SREBF2: variants seen among roughly 807,000 people sequenced by gnomAD.
SREBF2 encodes the protein sterol regulatory element binding transcription factor 2, also known as sterol regulatory element-binding protein 2.
Under a neutral mutation model 113.1 loss-of-function variants are expected in SREBF2, and 55 were observed. The ratio of observed to expected loss-of-function variants is 0.49; its 90% CI spans 0.39 to 0.61. The LOEUF (loss-of-function observed/expected upper bound fraction) is 0.61. SREBF2 is among the 20% of genes least tolerant of loss of function. The pLI is 0.00. For synonymous variants in SREBF2, 593 were observed against 605.7 expected (o/e 0.98, Z 0.31); for missense variants, 1,349 against 1,487.4 (o/e 0.91, Z 1.53).
chr22:41,861,249 C>T (rs113027895), intron 1 of SREBF2, among the ~76,000 whole-genome samples: 2 of 152,036 alleles, frequency 1.3e-5, no homozygotes, highest in South Asian at 2.1e-4. Flanking sequence ...TTTGGGAGGC[C>T]GAGGCAGGTG....
Position 41,880,956 on chromosome 22 carries a change from C to G in SREBF2, c.2002C>G (p.Leu668Val). ...EAKTSARDAA[L>V]AYHRLHQLHI... ...TAAGACCAGCGCCCGGGATGCGGCT[C>G]TGGCCTATCACCGGCTGCACCAGCT... The change falls in exon 10 of 19, where the codon CTG becomes GTG. Residue 668 changes from leucine (L) to valine (V), a missense_variant. Leu to Val is a conservative substitution (Grantham distance 32, BLOSUM62 1). Transcript: ENST00000361204. 6.2e-7 allele frequency: 1 copy of G among 1,610,992 alleles called. No individual in the cohort carries two copies. Among genetic ancestry groups the G allele is most frequent in the East Asian group, 2.2e-5 (1 of 44,890 alleles).
At chr22:41,898,514 G>A in intron 14 of SREBF2, 135 bp from the exon 15 acceptor site, 1 of 1,148,380 alleles carries the variant, frequency 8.7e-7, no homozygotes, top group Non-Finnish European at 1.3e-6. Flanking sequence ...GGGTGTGGGA[G>A]CCCAGAGGCT....
intron 11 of SREBF2, among the ~76,000 whole-genome samples, chr22:41,891,940 G>T (rs553734473): frequency 4.6e-5 from 7 of 152,344 alleles, no homozygotes; most frequent in Admixed American, 4.6e-4. Flanking sequence ...CTTGTCAGTG[G>T]GGTCCTGGAA....
In SREBF2 at chr22:41,841,949, C is replaced by G. The variant is rs117014147; in HGVS notation, c.88+8591C>G. ...TTGCAGTTTTTTCTTAACATAAGCACTGTTCTGAATACTTGTGAACAAGTC... is the reference window on the plus strand; with the variant it reads ...TTGCAGTTTTTTCTTAACATAAGCAGTGTTCTGAATACTTGTGAACAAGTC... On this transcript the variant is annotated intron_variant, in intron 1 of 18. Coordinates refer to ENST00000361204, the MANE Select transcript of SREBF2 (RefSeq NM_004599.4). Among the ~76,000 whole-genome samples, 569 of 152,300 alleles carry G rather than the reference C, an allele frequency of 3.7e-3. 2 individuals are homozygous for G. The highest frequency in any genetic ancestry group is 5.5e-3 in the Non-Finnish European group (374 of 68,028).
intron 13 of SREBF2, among the ~76,000 whole-genome samples, chr22:41,896,799 G>T (rs1307157260): frequency 1.3e-5 from 2 of 152,212 alleles, no homozygotes; most frequent in African/African-American, 2.4e-5. Flanking sequence ...AGGAGTGAGG[G>T]TAGGCTGTGG....
intron 14 of SREBF2, among the ~76,000 whole-genome samples, chr22:41,897,385 T>C (rs1293458630): frequency 6.6e-6 from 1 of 152,184 alleles, no homozygotes; most frequent in Non-Finnish European, 1.5e-5. Flanking sequence ...ATTGAATGTC[T>C]TCCTCAAGCC....
intron 1 of SREBF2, among the ~76,000 whole-genome samples, chr22:41,846,562 C>T (rs1205243814): frequency 6.6e-6 from 1 of 152,202 alleles, no homozygotes; most frequent in Non-Finnish European, 1.5e-5. Flanking sequence ...CCTTTCCTTG[C>T]CTCTGAAATA....
At chr22:41,899,978 C>G in intron 15 of SREBF2, 1 of 1,210,256 alleles carries the variant, frequency 8.3e-7, no homozygotes, top group African/African-American at 1.6e-5. Context: ...GGGGTGGTCC[C>G]TTAAAGAACG....
intron 16 of SREBF2, 136 bp downstream of exon 16, chr22:41,900,634 A>G: frequency 1.1e-6 from 1 of 915,810 alleles, no homozygotes; most frequent in South Asian, 1.7e-5. Flanking sequence ...CCCCCTTTCA[A>G]AAAAGTTACG....
At chr22:41,875,810 G>T in intron 7 of SREBF2, 86 bp downstream of exon 7, 1 of 1,475,846 alleles carries the variant, frequency 6.8e-7, no homozygotes. Context: ...TATGAGGCCA[G>T]GCCGCATGTT....
chr22:41,898,536 C>G (rs1237227866), intron 14 of SREBF2, 113 bp from the exon 15 acceptor site: 26 of 1,441,570 alleles, frequency 1.8e-5, no homozygotes, highest in Middle Eastern at 2.3e-4. Context: ...CTGGCCCGTT[C>G]CCAGCAGGCA....
chr22:41,839,345 C>T (rs1281443313), intron 1 of SREBF2, among the ~76,000 whole-genome samples: 2 of 152,038 alleles, frequency 1.3e-5, no homozygotes, highest in African/African-American at 4.8e-5. Flanking sequence ...AAGAGAGTCA[C>T]TGCTGAGTCA....
Position 41,884,951 on chromosome 22 carries a change from C to T in SREBF2, c.2148C>T (p.Ile716=), listed in dbSNP as rs756793996. 1 of 1,614,214 alleles carries T rather than the reference C, an allele frequency of 6.2e-7. No homozygotes were observed. Among genetic ancestry groups the T allele is most frequent in the South Asian group, 1.1e-5 (1 of 91,084 alleles). ...EKIPPSTLVE[I]HLTAAMGLKT... ...TCCCACCGAGCACACTGGTTGAGATCCATCTGACTGCTGCCATGGGGCTCA... is the reference window on the plus strand; with the variant it reads ...TCCCACCGAGCACACTGGTTGAGATTCATCTGACTGCTGCCATGGGGCTCA... The change falls in exon 11 of 19, where the codon ATC becomes ATT. Residue 716 remains isoleucine, a synonymous_variant. Coordinates refer to ENST00000361204, the MANE Select transcript of SREBF2 (RefSeq NM_004599.4).
chr22:41,877,244 G>T lies in SREBF2; in HGVS notation c.1402G>T (p.Asp468Tyr). The change falls in exon 8 of 19, where the codon GAC (aspartate) becomes TAC (tyrosine). Residue 468 changes from aspartate (D) to tyrosine (Y), a missense_variant. By Grantham distance (160) the Asp-to-Tyr change is radical (BLOSUM62 -3). This residue lies in a region of SREBF2 where 699 missense variants were observed against 843.3 expected (regional missense o/e 0.83). Transcript: ENST00000361204. ...TGTTTTGAAGGTCAAAGATGAGCCA[G>T]ACTCTCCTCCTGTGGCGCTGGGCAT... Reference protein sequence around the residue: ...LDDAKVKDEPDSPPVALGMVD... With the variant: ...LDDAKVKDEPYSPPVALGMVD... 2 of 1,614,204 alleles carry T rather than the reference G, an allele frequency of 1.2e-6. No homozygotes were observed. Among genetic ancestry groups the T allele is most frequent in the Non-Finnish European group, 1.7e-6 (2 of 1,180,042 alleles).
At chr22:41,894,697 G>T (rs1569408025) in intron 12 of SREBF2, 123 bp from the exon 13 acceptor site, 3 of 849,014 alleles carry the variant, frequency 3.5e-6, no homozygotes, top group African/African-American at 3.3e-5. Flanking sequence ...CTGGGCTTTG[G>T]TGGAGAAGGG....
chr22:41,844,929 C>T, intron 1 of SREBF2, among the ~76,000 whole-genome samples: 1 of 85,932 alleles, frequency 1.2e-5, no homozygotes, highest in Non-Finnish European at 2.1e-5. Flanking sequence ...GCTTGATTTC[C>T]ACCCCCACCC....
chr22:41,893,164 T>G lies in SREBF2; in HGVS notation c.2256T>G (p.Ser752Arg). Reference sequence around the variant, plus strand: ...AGAGCCTGTGTGGCCCCGAGCACAGTGCTGTTCCTGACTCCCTGCGCTGGC... The same window carrying G: ...AGAGCCTGTGTGGCCCCGAGCACAGGGCTGTTCCTGACTCCCTGCGCTGGC... ...RAQSLCGPEH[S>R]AVPDSLRWLC... is the part of the protein sequence containing the mutation. The change falls in exon 12 of 19, where the codon AGT becomes AGG. Residue 752 changes from serine (S) to arginine (R), a missense_variant. By Grantham distance (110) the Ser-to-Arg change is moderately radical. Transcript: ENST00000361204. 6.2e-7 allele frequency: 1 copy of G among 1,614,114 alleles called. No individual in the cohort carries two copies. The highest frequency in any genetic ancestry group is 8.5e-7 in the Non-Finnish European group (1 of 1,180,024).
chr22:41,836,092 CT>C (rs1311603169), intron 1 of SREBF2, among the ~76,000 whole-genome samples: 1 of 152,232 alleles, frequency 6.6e-6, no homozygotes, highest in East Asian at 1.9e-4. Context: ...TTCCATTTCT[CT>C]GTCCTTCCAG....
chr22:41,870,155 A>G (rs749209728), intron 3 of SREBF2, among the ~76,000 whole-genome samples: 1 of 152,112 alleles, frequency 6.6e-6, no homozygotes, highest in African/African-American at 2.4e-5. Context: ...CATCTGGCCT[A>G]TATTTTCTTA....
Sources: allele counts gnomAD v4.1 joint callset (sites outside exome capture counted in the v4.1 genomes callset), GRCh38; gene constraint gnomAD v4.1.1; regional missense constraint gnomAD v4.1.1; transcripts MANE v1.5; gene names NCBI Gene and HGNC (gene_info 2026-07-23, HGNC 2026-07-21).